TENM2: variants seen among roughly 807,000 people sequenced by gnomAD.
TENM2 encodes the protein teneurin-2.
In TENM2, 52 loss-of-function variants were observed where a neutral mutation model predicts 245.2. The observed-to-expected ratio is 0.21, with a 90% confidence interval of 0.17 to 0.27. TENM2 has a LOEUF of 0.27. Ranked by LOEUF, TENM2 falls within the 10% of genes least tolerant of loss-of-function variation. The pLI, the probability that TENM2 is intolerant of heterozygous loss-of-function variation, is 1.00. For synonymous variants in TENM2, 1,363 were observed against 1,438.9 expected, an observed-to-expected ratio of 0.95 and a Z score of 1.19; for missense variants, 3,046 against 3,666.8, an observed-to-expected ratio of 0.83 and a Z score of 4.37.
At chr5:167,170,721 T>C in the TENM2 span, among the ~76,000 whole-genome samples, 3,717 of 152,290 alleles carry the variant, frequency 0.024, 153 homozygotes, top group African/African-American at 0.083. Context: ...TGAACCCACT[T>C]CAGTAAGACT....
chr5:167,023,310 T>C, the TENM2 span, among the ~76,000 whole-genome samples: 345 of 152,342 alleles, frequency 2.3e-3, 1 homozygote, highest in African/African-American at 7.8e-3. Context: ...TTAACTTACA[T>C]TGGTAATTTC....
chr5:167,478,286 G>C (rs1371827162), intron 2 of TENM2, among the ~76,000 whole-genome samples: 3 of 152,160 alleles, frequency 2.0e-5, no homozygotes, highest in Non-Finnish European at 2.9e-5. Flanking sequence ...CTTTTACATA[G>C]AAGAGTACAG....
At chr5:167,653,634 CT>C (rs1234387380) in intron 2 of TENM2, 4 of 152,136 alleles carry the variant, frequency 2.6e-5, no homozygotes, top group Non-Finnish European at 5.9e-5. Context: ...CCAGTGTCTA[CT>C]TTCCTTGGCT....
chr5:167,655,588 C>T (rs2150304999), intron 2 of TENM2, among the ~76,000 whole-genome samples: 1 of 152,316 alleles, frequency 6.6e-6, no homozygotes, highest in Admixed American at 6.5e-5. Context: ...TTTATCATGA[C>T]ACTTTGCTGT....
chr5:167,605,184 AG>A (rs2127736629), intron 2 of TENM2, among the ~76,000 whole-genome samples: 1 of 152,302 alleles, frequency 6.6e-6, no homozygotes, highest in African/African-American at 2.4e-5. Context: ...GAGTCATTAA[AG>A]GGCTTTAAGC....
At chr5:167,009,527 C>G in the TENM2 span, among the ~76,000 whole-genome samples, 1 of 152,138 alleles carries the variant, frequency 6.6e-6, no homozygotes, top group African/African-American at 2.4e-5. Flanking sequence ...CAAAGGATTT[C>G]TGCATCTAGT....
At chr5:167,473,825 T>C (rs1668837597) in intron 2 of TENM2, among the ~76,000 whole-genome samples, 1 of 151,294 alleles carries the variant, frequency 6.6e-6, no homozygotes, top group Non-Finnish European at 1.5e-5. Context: ...TGTGAGAATT[T>C]GATGACCTGA....
At chr5:167,380,828 T>G (rs1472785718) in intron 2 of TENM2, among the ~76,000 whole-genome samples, 1 of 152,150 alleles carries the variant, frequency 6.6e-6, no homozygotes, top group Non-Finnish European at 1.5e-5. Flanking sequence ...AAGCAAAATG[T>G]TTTTGTCTGT....
intron 2 of TENM2, among the ~76,000 whole-genome samples, chr5:167,450,944 TATG>T (rs1239300123): frequency 3.9e-5 from 6 of 152,246 alleles, no homozygotes; most frequent in African/African-American, 1.2e-4. Context: ...CCGTTGTTAA[TATG>T]ATATTTTGCA....
chr5:168,144,164 T>C (rs1755828071), intron 12 of TENM2, among the ~76,000 whole-genome samples: 1 of 152,106 alleles, frequency 6.6e-6, no homozygotes, highest in Non-Finnish European at 1.5e-5. Context: ...CAGCCTACTA[T>C]ACTTCTTTTA....
At chr5:167,109,138 G>A in the TENM2 span, among the ~76,000 whole-genome samples, 10 of 151,966 alleles carry the variant, frequency 6.6e-5, no homozygotes, top group East Asian at 1.9e-3. Flanking sequence ...AAACTTTATA[G>A]TATTTTTACT....
At chr5:167,947,676 C>T (rs1779743682) in intron 3 of TENM2, among the ~76,000 whole-genome samples, 1 of 152,194 alleles carries the variant, frequency 6.6e-6, no homozygotes, top group Non-Finnish European at 1.5e-5. Flanking sequence ...ACCATCTCCT[C>T]TTTTAGAAAC....
the TENM2 span, among the ~76,000 whole-genome samples, chr5:167,188,125 A>G: frequency 1.1e-4 from 16 of 152,170 alleles, no homozygotes; most frequent in Admixed American, 2.0e-4. Context: ...TCAAATCAAC[A>G]TGGTGGTCTC....
At chr5:167,199,991 T>A in the TENM2 span, among the ~76,000 whole-genome samples, 2 of 152,054 alleles carry the variant, frequency 1.3e-5, no homozygotes, top group Admixed American at 1.3e-4. Flanking sequence ...CCTGGCCTGG[T>A]AAGAGCTGGA....
chr5:167,686,769 T>A (rs537305645), intron 2 of TENM2, among the ~76,000 whole-genome samples: 5 of 152,264 alleles, frequency 3.3e-5, no homozygotes, highest in Non-Finnish European at 7.4e-5. Flanking sequence ...ATGACTTAGA[T>A]GAATATGGAA....
chr5:167,105,972 A>C, the TENM2 span, among the ~76,000 whole-genome samples: 1 of 148,992 alleles, frequency 6.7e-6, no homozygotes, highest in Non-Finnish European at 1.5e-5. Context: ...GCTTTGAGAA[A>C]TGTGAAGTAT....
intron 3 of TENM2, among the ~76,000 whole-genome samples, chr5:167,901,699 A>T (rs939635734): frequency 7.9e-5 from 12 of 152,176 alleles, no homozygotes; most frequent in African/African-American, 2.9e-4. Flanking sequence ...TATGTTTTTA[A>T]ATATTATGCT....
At chr5:167,848,895 C>A (rs1303832556) in intron 2 of TENM2, among the ~76,000 whole-genome samples, 3 of 152,130 alleles carry the variant, frequency 2.0e-5, no homozygotes, top group Non-Finnish European at 4.4e-5. Context: ...TTAAAGCAGG[C>A]TAGTTTTTTG....
rs59240930 is a variant in TENM2 at position 167,353,500 on chromosome 5, GTTTTTTTTTT to G, written c.227-21682_227-21673del. Among the ~76,000 whole-genome samples, 5 of 79,458 alleles carry G rather than the reference GTTTTTTTTTT, an allele frequency of 6.3e-5. 1 individual carries two copies. Among genetic ancestry groups the G allele is most frequent in the South Asian group, 1.2e-3 (2 of 1,652 alleles). The allele number at this position is 79,458 out of a possible 152,430, so 52.1% of individuals were successfully genotyped here. A position where few individuals can be genotyped will look rare whatever the true frequency, so the allele number is the denominator to read the frequency against. On this transcript the variant is annotated intron_variant, in intron 1 of 28. Coordinates refer to ENST00000518659, the Ensembl canonical transcript of TENM2. ...TATGGTGTTTTTTGTTGTTGTTGTT[GTTTTTTTTTT>G]TTTTTTTTTTTTTTTGAGACGGAGT... is the stretch of plus-strand genomic sequence containing the variant.
Sources: gnomAD v4.1 joint callset for allele counts (sites outside exome capture counted in the v4.1 genomes callset) on GRCh38, gnomAD v4.1.1 for gene constraint, MANE v1.5 for transcripts, NCBI Gene and HGNC (gene_info 2026-07-23, HGNC 2026-07-21) for gene names.